Variants in COLEC12 observed in about 807,000 individuals in gnomAD.
COLEC12 encodes the protein collectin-12.
COLEC12 carries 33 observed loss-of-function variants against 71.1 expected under a neutral mutation model. The ratio of observed to expected loss-of-function variants is 0.46; its 90% CI spans 0.35 to 0.62. COLEC12 has a LOEUF of 0.62. Ranked by LOEUF, COLEC12 falls within the 20% of genes least tolerant of loss-of-function variation. The pLI is 0.00. For missense variants in COLEC12, 765 were observed against 916.1 expected, an observed-to-expected ratio of 0.84 and a Z score of 2.13; for synonymous variants, 350 against 353.0, an observed-to-expected ratio of 0.99 and a Z score of 0.10.
At position 319,718 on chromosome 18, in the gene COLEC12, C is replaced by T. The variant is rs373341835; in HGVS notation, c.*327G>A. On this transcript the variant is annotated 3_prime_UTR_variant, in exon 10 of 10. Transcript: ENST00000400256. ...TGCTTAAGTTCTTCCCATAACTCAA[C>T]GACCAATGATAACCTTTTTCTGATT... 2.0e-5 allele frequency: 7 copies of T among 342,518 alleles called. No homozygotes were observed. Among genetic ancestry groups the T allele is most frequent in the East Asian group, 7.5e-5 (1 of 13,298 alleles). 21.2% of individuals were successfully genotyped at this position (342,518 alleles called of 1,614,324 possible).
chr18:428,411 G>A (rs1916239111), intron 2 of COLEC12, among the ~76,000 whole-genome samples: 1 of 152,186 alleles, frequency 6.6e-6, no homozygotes, highest in African/African-American at 2.4e-5. Context: ...GGTGTGAGAT[G>A]AGAACAGAAA....
intron 1 of COLEC12, among the ~76,000 whole-genome samples, chr18:498,554 T>G (rs931146791): frequency 6.6e-6 from 1 of 152,060 alleles, no homozygotes; most frequent in Non-Finnish European, 1.5e-5. Context: ...AAAGACAGGA[T>G]TTCACAATGT....
At chr18:486,239 G>A (rs895441127) in intron 1 of COLEC12, among the ~76,000 whole-genome samples, 1 of 152,134 alleles carries the variant, frequency 6.6e-6, no homozygotes, top group Non-Finnish European at 1.5e-5. Flanking sequence ...AGGCTGGAGT[G>A]CAGTGGAACC....
intron 2 of COLEC12, among the ~76,000 whole-genome samples, chr18:415,263 A>G (rs1414907796): frequency 6.6e-6 from 1 of 152,214 alleles, no homozygotes; most frequent in Admixed American, 6.5e-5. Context: ...AAGTGACCAG[A>G]CAACTCGAAG....
At chr18:324,190 G>A (rs1913781403) in intron 8 of COLEC12, among the ~76,000 whole-genome samples, 1 of 152,120 alleles carries the variant, frequency 6.6e-6, no homozygotes. Flanking sequence ...GGAGTGATTT[G>A]TGGCAAAACC....
intron 2 of COLEC12, among the ~76,000 whole-genome samples, chr18:392,894 T>A (rs1013859186): frequency 2.0e-5 from 3 of 152,254 alleles, no homozygotes; most frequent in African/African-American, 7.2e-5. Flanking sequence ...CTTTGTTACA[T>A]AACCCAATGT....
At chr18:398,533 G>A (rs2143608515) in intron 2 of COLEC12, among the ~76,000 whole-genome samples, 1 of 152,316 alleles carries the variant, frequency 6.6e-6, no homozygotes, top group East Asian at 1.9e-4. Flanking sequence ...CCCCTCTCCA[G>A]GTCTGAGCCT....
At chr18:351,102 A>T (rs917462460) in intron 3 of COLEC12, among the ~76,000 whole-genome samples, 1 of 152,124 alleles carries the variant, frequency 6.6e-6, no homozygotes, top group African/African-American at 2.4e-5. Context: ...TCTCAGGAAG[A>T]AGTAGTAAGT....
At chr18:470,628 G>A (rs1239173622) in intron 2 of COLEC12, among the ~76,000 whole-genome samples, 2 of 151,860 alleles carry the variant, frequency 1.3e-5, no homozygotes, top group South Asian at 2.1e-4. Flanking sequence ...GGTGATATAC[G>A]CCTGTATTCC....
chr18:401,905 T>C (rs1024821391), intron 2 of COLEC12, among the ~76,000 whole-genome samples: 11 of 152,170 alleles, frequency 7.2e-5, no homozygotes, highest in African/African-American at 1.9e-4. Flanking sequence ...GAAAGGGACA[T>C]AGGGCTTCTG....
At chr18:428,466 G>A (rs1916239792) in intron 2 of COLEC12, among the ~76,000 whole-genome samples, 1 of 152,132 alleles carries the variant, frequency 6.6e-6, no homozygotes, top group Admixed American at 6.5e-5. Flanking sequence ...ATTATTTCAA[G>A]TAACTCACTG....
intron 8 of COLEC12, among the ~76,000 whole-genome samples, chr18:326,496 C>T (rs533804411): frequency 7.2e-5 from 11 of 152,206 alleles, no homozygotes; most frequent in South Asian, 6.2e-4. Context: ...TACAGGCATC[C>T]GCCACCACAC....
rs1224014349 is a variant in COLEC12 at position 346,077 on chromosome 18, G to T, written c.1327+218C>A. Among the ~76,000 whole-genome samples the T allele has an allele frequency of 3.9e-5, 6 of 152,208 alleles. No individual in the cohort carries two copies. Among genetic ancestry groups the T allele is most frequent in the Non-Finnish European group, 8.8e-5 (6 of 68,040 alleles). ...TTAAGTAGCAGACCCTCCAGCCACA[G>T]TCAAGCCTTCAGATGACTGCAGCTC... On this transcript the variant is annotated intron_variant, in intron 5 of 9. Transcript: ENST00000400256. The surrounding 1 kb of genome is among the most constrained non-coding windows in gnomAD (Gnocchi z 4.0).
At chr18:339,080 C>T (rs1269631686) in intron 5 of COLEC12, among the ~76,000 whole-genome samples, 1 of 149,638 alleles carries the variant, frequency 6.7e-6, no homozygotes, top group Non-Finnish European at 1.5e-5. Flanking sequence ...AATGAGTTTA[C>T]CTGTGACCAT....
Position 389,254 on chromosome 18 carries a change from A to AT in COLEC12, c.59-31733dup, listed in dbSNP as rs35325003. 9.0e-3 allele frequency among the ~76,000 whole-genome samples: 1,271 copies of AT among 141,802 alleles called. 2 individuals carry two copies. The highest frequency in any genetic ancestry group is 0.01 in the Non-Finnish European group (651 of 64,898). 93.0% of individuals were successfully genotyped at this position (141,802 alleles called of 152,430 possible). On this transcript the variant is annotated intron_variant, in intron 2 of 9. Coordinates refer to ENST00000400256, the MANE Select transcript of COLEC12 (RefSeq NM_130386.3). ...CCATGATATAGAATACTGTGCAGCAATTTTTTTTTTTTTTTTGGAGATGGA... is the reference window on the plus strand; with the variant it reads ...CCATGATATAGAATACTGTGCAGCAATTTTTTTTTTTTTTTTTGGAGATGGA...
At chr18:363,754 A>G (rs980406528) in intron 2 of COLEC12, among the ~76,000 whole-genome samples, 2 of 152,256 alleles carry the variant, frequency 1.3e-5, no homozygotes, top group Admixed American at 1.3e-4. Context: ...CCACCGAAAT[A>G]ACTAGCTTTT....
chr18:358,173 A>C (rs1185365139), intron 2 of COLEC12, among the ~76,000 whole-genome samples: 1 of 152,118 alleles, frequency 6.6e-6, no homozygotes, highest in Admixed American at 6.5e-5. Context: ...CCCTGGTTCC[A>C]AAAAGGTAGG....
chr18:391,997 G>A (rs897403858), intron 2 of COLEC12, among the ~76,000 whole-genome samples: 1 of 152,188 alleles, frequency 6.6e-6, no homozygotes, highest in Non-Finnish European at 1.5e-5. Context: ...TACTTTGCAT[G>A]TTTGGTAAAT....
intron 8 of COLEC12, among the ~76,000 whole-genome samples, chr18:322,514 G>A (rs914789369): frequency 1.3e-5 from 2 of 152,134 alleles, no homozygotes; most frequent in Non-Finnish European, 2.9e-5. Context: ...TTCTTAACTT[G>A]GATGCTGCTG....
Sources: gnomAD v4.1 joint callset for allele counts (sites outside exome capture counted in the v4.1 genomes callset) on GRCh38, gnomAD v4.1.1 for gene constraint, Gnocchi (gnomAD v3.1) non-coding constraint, MANE v1.5 for transcripts, NCBI Gene and HGNC (gene_info 2026-07-23, HGNC 2026-07-21) for gene names.